Variants in ESCO2 observed in about 807,000 individuals in gnomAD.
The protein encoded by ESCO2 is N-acetyltransferase ESCO2.
ESCO2 carries 51 observed loss-of-function variants against 61.7 expected under a neutral mutation model. The observed-to-expected ratio is 0.83, with a 90% CI of 0.66 to 1.04. ESCO2 has a LOEUF of 1.04. Among genes scored for constraint, ESCO2 ranks in the 50% least tolerant of loss-of-function variants. The probability of loss-of-function intolerance (pLI) is 0.00; values close to 1 mark genes in which losing one functional copy is unlikely to be tolerated. For missense variants in ESCO2, 692 were observed against 686.2 expected, an observed-to-expected ratio of 1.01 and a Z score of -0.09; for synonymous variants, 230 against 238.2, an observed-to-expected ratio of 0.97 and a Z score of 0.32.
At chr8:27,791,711 G>T (rs531431704) in intron 7 of ESCO2, among the ~76,000 whole-genome samples, 1 of 152,102 alleles carries the variant, frequency 6.6e-6, no homozygotes, top group Non-Finnish European at 1.5e-5. Flanking sequence ...GTGAGCCACC[G>T]CACCTTTACC....
intron 9 of ESCO2, among the ~76,000 whole-genome samples, chr8:27,794,894 C>T (rs1048666189): frequency 6.6e-6 from 1 of 152,078 alleles, no homozygotes. Context: ...CTCTAAATGC[C>T]TGGATTTATT....
chr8:27,789,397 C>T (rs117988629), intron 7 of ESCO2, among the ~76,000 whole-genome samples: 2,207 of 152,212 alleles, frequency 0.014, 49 homozygotes, highest in African/African-American at 0.045. Flanking sequence ...TTTATTGCCA[C>T]GGTTAATGCC....
At chr8:27,773,037 A>G (rs1804689459), upstream of ESCO2, among the ~76,000 whole-genome samples, 1 of 152,120 alleles carries the variant, frequency 6.6e-6, no homozygotes, top group Non-Finnish European at 1.5e-5. Context: ...CTCCTGCTAT[A>G]AAGTAGGAAT....
intron 8 of ESCO2, 25 bp downstream of exon 8, chr8:27,792,077 C>T: frequency 6.2e-7 from 1 of 1,610,082 alleles, no homozygotes; most frequent in South Asian, 1.1e-5. Context: ...CTTTTTATCT[C>T]TTGCCTTTCC....
In ESCO2 at chr8:27,803,472, G is replaced by A. The variant is rs182715200; in HGVS notation, c.*34G>A. The A allele has an allele frequency of 3.1e-4, 494 of 1,607,718 alleles. 11 individuals carry two copies. The East Asian group carries it at 5.8e-3, about 19-fold the overall frequency. On this transcript the variant is annotated 3_prime_UTR_variant, in exon 11 of 11. Coordinates refer to ENST00000305188, the MANE Select transcript of ESCO2 (RefSeq NM_001017420.3). ...TCAGTTATAAAGGAGTTACTATCTG[G>A]ATAAGTTCAAAGAGCTCCTTATTAT...
intron 9 of ESCO2, among the ~76,000 whole-genome samples, chr8:27,796,233 A>G (rs926997346): frequency 6.6e-6 from 1 of 152,072 alleles, no homozygotes; most frequent in African/African-American, 2.4e-5. Flanking sequence ...ATGATTATTC[A>G]TAGTCTCTTA....
Position 27,776,580 on chromosome 8 carries a change from A to T in ESCO2, c.272A>T (p.Lys91Met). 1.2e-6 allele frequency: 2 copies of T among 1,614,170 alleles called. No individual in the cohort carries two copies. The highest frequency in any genetic ancestry group is 2.2e-5 in the South Asian group (2 of 91,084). ...ACTGTATCTTTTTACAACCAAAATA[A>T]GTGGTACCTCAATCCACTGGAGAGA... is the stretch of plus-strand genomic sequence containing the variant. ...LSTVSFYNQN[K>M]WYLNPLERKL... The change falls in exon 3 of 11, where the codon AAG becomes ATG. Residue 91 changes from lysine to methionine, a missense_variant. Lys to Met is a moderately conservative substitution (Grantham distance 95, BLOSUM62 -1). Transcript: ENST00000305188.
chr8:27,818,063 T>C, the ESCO2 span, among the ~76,000 whole-genome samples: 1 of 152,158 alleles, frequency 6.6e-6, no homozygotes, highest in East Asian at 1.9e-4. Context: ...TTTTTCACCC[T>C]CCCCATAATG....
downstream of ESCO2, chr8:27,810,152 A>G: frequency 1.6e-6 from 1 of 612,984 alleles, no homozygotes; most frequent in South Asian, 2.1e-5. Flanking sequence ...ATATAAGCAT[A>G]TTTCATATTA....
downstream of ESCO2, chr8:27,810,005 T>A: frequency 3.3e-6 from 1 of 303,620 alleles, no homozygotes; most frequent in South Asian, 4.8e-5. Flanking sequence ...AAAGTAATGG[T>A]CATTCAATTT....
At chr8:27,786,999 A>T (rs147957636) in intron 5 of ESCO2, among the ~76,000 whole-genome samples, 2 of 151,988 alleles carry the variant, frequency 1.3e-5, no homozygotes, top group African/African-American at 4.8e-5. Flanking sequence ...CTGGGTGGAG[A>T]CTAGGGCCAG....
At chr8:27,794,128 T>C (rs1241999493) in intron 9 of ESCO2, among the ~76,000 whole-genome samples, 1 of 152,238 alleles carries the variant, frequency 6.6e-6, no homozygotes, top group African/African-American at 2.4e-5. Flanking sequence ...TTTTCTTTAT[T>C]CATTCATCCA....
downstream of ESCO2, chr8:27,810,069 T>C: frequency 2.1e-6 from 1 of 486,326 alleles, no homozygotes; most frequent in Non-Finnish European, 3.6e-6. Context: ...GCATGAGCAG[T>C]ATCAAAGTAC....
At chr8:27,811,466 G>A (rs925430689), downstream of ESCO2, 126 of 434,934 alleles carry the variant, frequency 2.9e-4, no homozygotes, top group East Asian at 5.2e-3. Context: ...TGCAAGCTGC[G>A]TGACCTTGAG....
intron 3 of ESCO2, chr8:27,777,465 A>T: frequency 4.6e-6 from 1 of 217,622 alleles, no homozygotes; most frequent in Admixed American, 5.5e-5. Context: ...CACCCGGCTA[A>T]TTCTTGCATT....
downstream of ESCO2, among the ~76,000 whole-genome samples, chr8:27,806,894 G>C (rs1258045819): frequency 6.6e-6 from 1 of 152,162 alleles, no homozygotes; most frequent in East Asian, 1.9e-4. Context: ...GGGATTATAG[G>C]CATGAGCCAG....
intron 10 of ESCO2, among the ~76,000 whole-genome samples, chr8:27,801,590 T>G (rs1805427274): frequency 6.6e-6 from 1 of 152,186 alleles, no homozygotes; most frequent in Non-Finnish European, 1.5e-5. Flanking sequence ...TTCTACCATA[T>G]TATGTATTTA....
At chr8:27,792,146 C>A (rs1805191072) in intron 8 of ESCO2, 94 bp downstream of exon 8, 2 of 1,132,834 alleles carry the variant, frequency 1.8e-6, no homozygotes, top group African/African-American at 1.5e-5. Context: ...ACAGATAATT[C>A]ACTTGGGTAC....
Position 27,783,977 on chromosome 8 carries a change from TATC to T in ESCO2, c.956-20_956-18del. ...TTTGATTTTATTTGGTAATACACAT[TATC>T]ATGATTTTTCCCCTACCAGTTTCTC... On this transcript the variant is annotated intron_variant, in intron 4 of 10. Coordinates refer to ENST00000305188, the MANE Select transcript of ESCO2 (RefSeq NM_001017420.3). 6.3e-7 allele frequency: 1 copy of T among 1,591,076 alleles called. No homozygotes were observed.
Sources: allele counts gnomAD v4.1 joint callset (sites outside exome capture counted in the v4.1 genomes callset), GRCh38; gene constraint gnomAD v4.1.1; transcripts MANE v1.5; gene names NCBI Gene and HGNC (gene_info 2026-07-23, HGNC 2026-07-21).